Variants in ADAMTS3 observed in about 807,000 individuals in gnomAD.
ADAMTS3 encodes the protein ADAM metallopeptidase with thrombospondin type 1 motif 3.
In ADAMTS3, 73 loss-of-function variants were observed where a neutral mutation model predicts 129.0. That is an observed-to-expected ratio of 0.57 (90% confidence interval 0.47 to 0.69). The LOEUF (loss-of-function observed/expected upper bound fraction) is 0.69, where lower values mean the gene tolerates loss of function less well. Ranked by LOEUF, ADAMTS3 falls within the 30% of genes least tolerant of loss-of-function variation. The pLI, the probability that ADAMTS3 is intolerant of heterozygous loss-of-function variation, is 0.00. For missense variants in ADAMTS3, 1,457 were observed against 1,514.5 expected (o/e 0.96, Z 0.63); for synonymous variants, 477 against 510.8 (o/e 0.93, Z 0.89).
chr4:72,556,229 T>G (rs527264476), intron 2 of ADAMTS3, among the ~76,000 whole-genome samples: 4 of 151,858 alleles, frequency 2.6e-5, no homozygotes, highest in African/African-American at 9.7e-5. Context: ...TAAGGTGCAC[T>G]GTATGACATA....
intron 3 of ADAMTS3, among the ~76,000 whole-genome samples, chr4:72,479,492 T>C (rs1719359761): frequency 6.6e-6 from 1 of 152,218 alleles, no homozygotes; most frequent in Non-Finnish European, 1.5e-5. Context: ...GCTAGCCATA[T>C]GTAGAAAGCT....
chr4:72,432,293 G>A (rs1359094948), intron 3 of ADAMTS3, among the ~76,000 whole-genome samples: 2 of 151,864 alleles, frequency 1.3e-5, no homozygotes, highest in Non-Finnish European at 2.9e-5. Flanking sequence ...GGAGAAGAGA[G>A]AAGGCAGGTG....
chr4:72,342,726 A>G (rs1245862759), intron 4 of ADAMTS3, among the ~76,000 whole-genome samples: 1 of 152,088 alleles, frequency 6.6e-6, no homozygotes. Context: ...TGATCTTTTG[A>G]GATATTTTTT....
intron 4 of ADAMTS3, among the ~76,000 whole-genome samples, chr4:72,386,466 TTC>T (rs1057395208): frequency 3.3e-5 from 5 of 152,102 alleles, no homozygotes; most frequent in African/African-American, 7.2e-5. Context: ...TCTGTGTTCC[TTC>T]TCTCTCTTTT....
At chr4:72,450,031 T>C (rs1578689224) in intron 3 of ADAMTS3, among the ~76,000 whole-genome samples, 1 of 151,860 alleles carries the variant, frequency 6.6e-6, no homozygotes, top group East Asian at 2.0e-4. Context: ...TATCTCTCCC[T>C]GGAAGCCTCA....
chr4:72,312,228 T>C (rs2109797958), intron 13 of ADAMTS3, 63 bp downstream of exon 13: 1 of 1,585,584 alleles, frequency 6.3e-7, no homozygotes, highest in Non-Finnish European at 8.6e-7. Context: ...GGGTTCGTGC[T>C]GGCAAAGCTT....
At chr4:72,486,137 CTTAG>C (rs1447979000) in intron 3 of ADAMTS3, among the ~76,000 whole-genome samples, 1 of 152,166 alleles carries the variant, frequency 6.6e-6, no homozygotes, top group Non-Finnish European at 1.5e-5. Flanking sequence ...TACATGTTAT[CTTAG>C]TTAAACCAGA....
intron 3 of ADAMTS3, among the ~76,000 whole-genome samples, chr4:72,485,863 A>G (rs1448341778): frequency 6.6e-6 from 1 of 152,198 alleles, no homozygotes; most frequent in East Asian, 1.9e-4. Flanking sequence ...CTTATAAAAG[A>G]GGCTTGACAG....
intron 5 of ADAMTS3, chr4:72,330,598 T>C (rs1719819828): frequency 6.6e-6 from 1 of 152,222 alleles, no homozygotes; most frequent in Non-Finnish European, 1.5e-5. Context: ...AGCAGCTTAG[T>C]AAACCAACCA....
intron 3 of ADAMTS3, among the ~76,000 whole-genome samples, chr4:72,490,070 G>A (rs900734909): frequency 3.3e-5 from 5 of 151,786 alleles, no homozygotes; most frequent in Admixed American, 1.3e-4. Context: ...GGTGTGATGC[G>A]ATATCTCACT....
intron 3 of ADAMTS3, among the ~76,000 whole-genome samples, chr4:72,532,053 C>CAA (rs34075436): frequency 2.2e-3 from 275 of 125,212 alleles, no homozygotes; most frequent in Non-Finnish European, 2.7e-3. Flanking sequence ...GTATTACAGA[C>CAA]AAAAAAAAAA....
At chr4:72,389,981 A>G (rs1287179235) in intron 4 of ADAMTS3, among the ~76,000 whole-genome samples, 2 of 152,182 alleles carry the variant, frequency 1.3e-5, no homozygotes, top group African/African-American at 2.4e-5. Context: ...TGCAAGAATG[A>G]GAGACAGAAA....
At chr4:72,477,578 A>G (rs1317358243) in intron 3 of ADAMTS3, among the ~76,000 whole-genome samples, 4 of 152,190 alleles carry the variant, frequency 2.6e-5, no homozygotes, top group African/African-American at 7.2e-5. Flanking sequence ...AAATGCCCAC[A>G]AGAGAAAGCA....
At chr4:72,476,523 G>A (rs984778532) in intron 3 of ADAMTS3, among the ~76,000 whole-genome samples, 1 of 152,010 alleles carries the variant, frequency 6.6e-6, no homozygotes, top group Non-Finnish European at 1.5e-5. Context: ...GTTCAATGGA[G>A]AATTCTACCA....
intron 4 of ADAMTS3, among the ~76,000 whole-genome samples, chr4:72,387,869 CA>C (rs138949703): frequency 0.042 from 6,183 of 146,426 alleles, 410 homozygotes; most frequent in African/African-American, 0.14. Context: ...TAACAAAAGA[CA>C]AAAAAAAAAC....
chr4:72,411,837 T>C (rs1722191920), intron 4 of ADAMTS3, among the ~76,000 whole-genome samples: 1 of 152,064 alleles, frequency 6.6e-6, no homozygotes, highest in Non-Finnish European at 1.5e-5. Context: ...AAACAATCTC[T>C]CTCTCTTTCC....
chr4:72,419,608 G>C (rs762385929), intron 3 of ADAMTS3, among the ~76,000 whole-genome samples: 16 of 152,120 alleles, frequency 1.1e-4, no homozygotes, highest in Middle Eastern at 3.2e-3. Context: ...AACGTTATGA[G>C]ATTTTTTGTG....
intron 3 of ADAMTS3, among the ~76,000 whole-genome samples, chr4:72,518,604 T>C (rs1720564674): frequency 6.6e-6 from 1 of 152,138 alleles, no homozygotes; most frequent in African/African-American, 2.4e-5. Context: ...GCCTTCTTTG[T>C]CTCTTTTGAT....
chr4:72,301,597 C>G (rs1174208592), intron 17 of ADAMTS3, among the ~76,000 whole-genome samples: 1 of 151,678 alleles, frequency 6.6e-6, no homozygotes, highest in African/African-American at 2.4e-5. Context: ...AAAACAGAAA[C>G]TAACAATAAA....
Sources: gnomAD v4.1 joint callset for allele counts (sites outside exome capture counted in the v4.1 genomes callset) on GRCh38, gnomAD v4.1.1 for gene constraint, MANE v1.5 for transcripts, NCBI Gene and HGNC (gene_info 2026-07-23, HGNC 2026-07-21) for gene names.